The following SLC7A7 variants were observed in gnomAD, a reference collection of about 807,000 sequenced individuals.
SLC7A7 encodes solute carrier family 7 member 7, also known as Y+L amino acid transporter 1.
SLC7A7 carries 39 observed loss-of-function variants against 47.9 expected under a neutral mutation model. That is an observed-to-expected ratio of 0.81 (90% CI 0.63 to 1.06). The LOEUF is 1.06. Ranked by LOEUF, SLC7A7 falls within the 50% of genes least tolerant of loss-of-function variation. SLC7A7 has a pLI of 0.00. For missense variants in SLC7A7, 588 were observed against 632.0 expected (o/e 0.93, Z 0.75); for synonymous variants, 234 against 242.8 (o/e 0.96, Z 0.34).
intron 2 of SLC7A7, among the ~76,000 whole-genome samples, chr14:22,781,189 G>A (rs943194883): frequency 7.2e-5 from 11 of 152,288 alleles, no homozygotes; most frequent in East Asian, 1.9e-4. Context: ...TCAAGAGAAT[G>A]AGGCCTAGTA....
Position 22,792,883 on chromosome 14 carries a change from G to GAGAGAA in SLC7A7, c.500-12833_500-12832insTTCTCT, listed in dbSNP as rs1395908968. ...AAAGAAAGAAAGAGAGAGAGAGAGA[G>GAGAGAA]AGAGAGAGAGAGAAAGGAAAAGAAA... On this transcript the variant is annotated intron_variant, in intron 2 of 9. Coordinates refer to ENST00000674313, the MANE Select transcript of SLC7A7 (RefSeq NM_003982.4). Among the ~76,000 whole-genome samples, 104 of 147,928 alleles carry GAGAGAA rather than the reference G, an allele frequency of 7.0e-4. 2 individuals are homozygous for GAGAGAA. Among genetic ancestry groups the GAGAGAA allele is most frequent in the East Asian group, 3.2e-3 (16 of 4,970 alleles).
intron 2 of SLC7A7, among the ~76,000 whole-genome samples, chr14:22,811,182 G>A (rs1001360447): frequency 3.9e-5 from 6 of 152,222 alleles, no homozygotes; most frequent in African/African-American, 1.4e-4. Context: ...AGCTGGAAAG[G>A]AAGTTGAGGA....
rs1404997835 is a variant in SLC7A7 at position 22,774,518 on chromosome 14, C to G, written c.1096-15G>C. On this transcript the variant is annotated splice_polypyrimidine_tract_variant and intron_variant, in intron 7 of 9. Coordinates refer to ENST00000674313, the MANE Select transcript of SLC7A7 (RefSeq NM_003982.4). ...GCCATGATACCCTGTAAGCGTGAGCCTAAGTCAGCTCTTCTCAGGGCCTTT... is the reference window on the plus strand; with the variant it reads ...GCCATGATACCCTGTAAGCGTGAGCGTAAGTCAGCTCTTCTCAGGGCCTTT... 6.2e-7 allele frequency: 1 copy of G among 1,614,118 alleles called. No individual in the cohort carries two copies. The highest frequency in any genetic ancestry group is 1.1e-5 in the South Asian group (1 of 91,064).
rs57356836 is a variant in SLC7A7, at chr14:22,811,844, C to CAAA, written c.499+1053_499+1055dup. ...CCTGGGCGACAGAGTGACTCTATCT[C>CAAA]AAAAAAAAAAAAAAAAAAAAAGGAA... On this transcript the variant is annotated intron_variant, in intron 2 of 9. Transcript: ENST00000674313. Among the ~76,000 whole-genome samples, 227 of 124,822 alleles carry CAAA rather than the reference C, an allele frequency of 1.8e-3. 1 individual carries two copies. The highest frequency in any genetic ancestry group is 2.3e-3 in the Non-Finnish European group (136 of 60,340). 81.9% of individuals were successfully genotyped at this position (124,822 alleles called of 152,430 possible).
At chr14:22,786,725 G>T (rs2038824150) in intron 2 of SLC7A7, among the ~76,000 whole-genome samples, 1 of 152,130 alleles carries the variant, frequency 6.6e-6, no homozygotes, top group Non-Finnish European at 1.5e-5. Flanking sequence ...CTTGAGTCCA[G>T]GAGTTCAAGA....
rs756936473 is a variant in SLC7A7, at chr14:22,774,410, T to A, written c.1189A>T (p.Ile397Phe). The A allele has an allele frequency of 6.2e-7, 1 of 1,614,048 alleles. No individual in the cohort carries two copies. The highest frequency in any genetic ancestry group is 8.5e-7 in the Non-Finnish European group (1 of 1,180,010). ...CAGCGCAGATAAAGCTGACCCACAA[T>A]AGAAAGCCCCACAAAGAACCAGTAG... Reference protein sequence around the residue: ...FSYWFFVGLSIVGQLYLRWKE... With the variant: ...FSYWFFVGLSFVGQLYLRWKE... The change falls in exon 8 of 10, where the codon ATT (isoleucine) becomes TTT (phenylalanine). Residue 397 changes from isoleucine (I) to phenylalanine (F), a missense_variant. Ile to Phe is a conservative substitution (Grantham distance 21). Transcript: ENST00000674313.
chr14:22,784,725 T>C (rs1342477710), intron 2 of SLC7A7, among the ~76,000 whole-genome samples: 2 of 151,982 alleles, frequency 1.3e-5, no homozygotes, highest in African/African-American at 4.8e-5. Flanking sequence ...CTAGTTCTAG[T>C]GGTAAGGCCC....
At chr14:22,780,075 G>T (rs999657013) in intron 2 of SLC7A7, 24 bp from the exon 3 acceptor site, 5 of 1,613,400 alleles carry the variant, frequency 3.1e-6, no homozygotes, top group Non-Finnish European at 4.2e-6. Context: ...AATACTGATT[G>T]GTGACTTACC....
chr14:22,800,990 G>T (rs937214974), intron 2 of SLC7A7, among the ~76,000 whole-genome samples: 1 of 152,024 alleles, frequency 6.6e-6, no homozygotes, highest in African/African-American at 2.4e-5. Context: ...CTCAGCAACC[G>T]TTTTTCCAGC....
chr14:22,780,005 C>T lies in SLC7A7; in HGVS notation c.546G>A (p.Leu182=), dbSNP rs1566443718. The T allele has an allele frequency of 6.2e-7, 1 of 1,614,058 alleles. No individual in the cohort carries two copies. Among genetic ancestry groups the T allele is most frequent in the African/African-American group, 1.3e-5 (1 of 75,004 alleles). ...TAGCATAGGTGAAAATATCTTGTAC[C>T]AGGGTTCCCCATTTGACATAGGCAC... is the stretch of plus-strand genomic sequence containing the variant. The part of the protein sequence containing the change: ...INCAYVKWGT[L]VQDIFTYAKV... Residue 182 remains leucine, a synonymous_variant, in exon 3 of 10, where the codon CTG becomes CTA. Coordinates refer to ENST00000674313, the MANE Select transcript of SLC7A7 (RefSeq NM_003982.4).
intron 4 of SLC7A7, among the ~76,000 whole-genome samples, chr14:22,777,768 C>T (rs992187655): frequency 6.6e-6 from 1 of 152,170 alleles, no homozygotes; most frequent in Non-Finnish European, 1.5e-5. Flanking sequence ...AATTGTGATT[C>T]TTTTCACTTA....
chr14:22,817,319 TTTTTA>T (rs150800938), upstream of SLC7A7: 94,781 of 203,352 alleles, frequency 0.47, 24,732 homozygotes, highest in East Asian at 0.58. Flanking sequence ...TATTTCGGTA[TTTTTA>T]TTTTATTTTA....
At chr14:22,780,898 C>T (rs2038706076) in intron 2 of SLC7A7, among the ~76,000 whole-genome samples, 1 of 152,074 alleles carries the variant, frequency 6.6e-6, no homozygotes, top group African/African-American at 2.4e-5. Flanking sequence ...TTATCCCTCC[C>T]CCAACAAAAA....
intron 2 of SLC7A7, among the ~76,000 whole-genome samples, chr14:22,786,037 A>T (rs1414494734): frequency 2.7e-5 from 4 of 150,678 alleles, no homozygotes; most frequent in African/African-American, 9.8e-5. Context: ...AAAAAAAAAA[A>T]AAGCCAGGTG....
chr14:22,787,924 T>G (rs961415093), intron 2 of SLC7A7, among the ~76,000 whole-genome samples: 1 of 151,640 alleles, frequency 6.6e-6, no homozygotes, highest in Non-Finnish European at 1.5e-5. Flanking sequence ...ATACAAAAAG[T>G]TAGCCGGGCG....
rs184595048 is a variant in SLC7A7 at position 22,782,819 on chromosome 14, G to A, written c.500-2768C>T. Among the ~76,000 whole-genome samples, 187 of 151,534 alleles carry A rather than the reference G, an allele frequency of 1.2e-3. 1 individual carries two copies. The highest frequency in any genetic ancestry group is 2.2e-3 in the Non-Finnish European group (149 of 67,928). On this transcript the variant is annotated intron_variant, in intron 2 of 9. Transcript: ENST00000674313. ...ACTCTTTCACCCAAGCCAGAGTACA[G>A]TGGAGAAATCATAGCTCACTGCAGC...
At chr14:22,811,176 G>C (rs905715529) in intron 2 of SLC7A7, among the ~76,000 whole-genome samples, 3 of 152,180 alleles carry the variant, frequency 2.0e-5, no homozygotes, top group African/African-American at 7.2e-5. Context: ...CAGAGAAGCT[G>C]GAAAGGAAGT....
At chr14:22,809,911 C>T (rs1008949054) in intron 2 of SLC7A7, among the ~76,000 whole-genome samples, 4 of 151,668 alleles carry the variant, frequency 2.6e-5, no homozygotes, top group Non-Finnish European at 4.4e-5. Flanking sequence ...TGGTGGCGGG[C>T]GCCTGTAATC....
chr14:22,807,188 C>T (rs2039228672), intron 2 of SLC7A7, among the ~76,000 whole-genome samples: 1 of 152,126 alleles, frequency 6.6e-6, no homozygotes, highest in East Asian at 1.9e-4. Context: ...CGTGAGCCAC[C>T]GCGCCGGGCC....
Sources: allele counts gnomAD v4.1 joint callset (sites outside exome capture counted in the v4.1 genomes callset), GRCh38; gene constraint gnomAD v4.1.1; transcripts MANE v1.5; gene names NCBI Gene and HGNC (gene_info 2026-07-23, HGNC 2026-07-21).